The following TMTC2 variants were observed in gnomAD, a reference collection of about 807,000 sequenced individuals.
TMTC2 encodes protein O-mannosyl-transferase TMTC2.
TMTC2 carries 43 observed loss-of-function variants against 82.4 expected under a neutral mutation model. The observed-to-expected ratio is 0.52, with a 90% CI of 0.41 to 0.67. The LOEUF (loss-of-function observed/expected upper bound fraction) is 0.67. Ranked by LOEUF, TMTC2 falls within the 30% of genes least tolerant of loss-of-function variation. TMTC2 has a pLI of 0.00. For missense variants in TMTC2, 919 were observed against 1,012.4 expected, an observed-to-expected ratio of 0.91 and a Z score of 1.25; for synonymous variants, 408 against 381.9, an observed-to-expected ratio of 1.07 and a Z score of -0.80.
At chr12:82,875,692 G>A (rs970661854) in intron 2 of TMTC2, among the ~76,000 whole-genome samples, 2 of 152,030 alleles carry the variant, frequency 1.3e-5, no homozygotes, top group Non-Finnish European at 2.9e-5. Flanking sequence ...GTAAGCAGAA[G>A]GTGATTTCCA....
intron 1 of TMTC2, among the ~76,000 whole-genome samples, chr12:82,744,046 G>A (rs555366433): frequency 1.4e-4 from 21 of 152,284 alleles, no homozygotes; most frequent in Admixed American, 8.5e-4. Flanking sequence ...GGCCAGGCGG[G>A]AGGATCGCTC....
At chr12:82,853,064 C>CT (rs966159917) in intron 1 of TMTC2, among the ~76,000 whole-genome samples, 1 of 151,056 alleles carries the variant, frequency 6.6e-6, no homozygotes. Context: ...CTATGTTTGT[C>CT]TTTTTTTCCA....
intron 1 of TMTC2, among the ~76,000 whole-genome samples, chr12:82,765,023 T>C (rs1876872802): frequency 6.6e-6 from 1 of 151,846 alleles, no homozygotes; most frequent in Admixed American, 6.6e-5. Context: ...TACATTGCCA[T>C]GGTGAAATTT....
At chr12:83,025,340 T>A (rs151182137) in intron 8 of TMTC2, among the ~76,000 whole-genome samples, 2,215 of 151,402 alleles carry the variant, frequency 0.015, 26 homozygotes, top group Non-Finnish European at 0.023. Flanking sequence ...AATGCACTAT[T>A]TACATTAGGG....
chr12:83,055,610 G>T (rs1882508106), intron 10 of TMTC2, among the ~76,000 whole-genome samples: 1 of 151,976 alleles, frequency 6.6e-6, no homozygotes. Context: ...GGAAGCTGGA[G>T]AGTACATGAA....
chr12:83,030,174 G>C (rs1474842173), intron 8 of TMTC2, among the ~76,000 whole-genome samples: 1 of 152,050 alleles, frequency 6.6e-6, no homozygotes, highest in Non-Finnish European at 1.5e-5. Context: ...GTCTCATTTC[G>C]TTTAGCCTTG....
At chr12:82,746,778 T>C (rs1229596679) in intron 1 of TMTC2, among the ~76,000 whole-genome samples, 1 of 152,148 alleles carries the variant, frequency 6.6e-6, no homozygotes, top group Non-Finnish European at 1.5e-5. Flanking sequence ...GCCAGCGATA[T>C]GCAAAGCCTG....
intron 2 of TMTC2, among the ~76,000 whole-genome samples, chr12:82,858,404 C>T (rs947733189): frequency 6.6e-5 from 10 of 152,184 alleles, no homozygotes; most frequent in Non-Finnish European, 1.5e-4. Flanking sequence ...TTGACTTTGG[C>T]GTGAAGACGG....
chr12:83,032,300 T>C (rs1266877822), intron 9 of TMTC2, among the ~76,000 whole-genome samples: 1 of 145,896 alleles, frequency 6.9e-6, no homozygotes, highest in East Asian at 2.0e-4. Flanking sequence ...TATATAGGTT[T>C]GTCACAATCC....
intron 3 of TMTC2, among the ~76,000 whole-genome samples, chr12:82,921,412 C>G (rs993654890): frequency 5.9e-5 from 9 of 152,146 alleles, no homozygotes; most frequent in Non-Finnish European, 1.3e-4. Flanking sequence ...ATTGAGGAGA[C>G]TACCAAGGAT....
At chr12:82,804,412 C>T (rs1181194869) in intron 1 of TMTC2, among the ~76,000 whole-genome samples, 1 of 152,070 alleles carries the variant, frequency 6.6e-6, no homozygotes, top group Non-Finnish European at 1.5e-5. Flanking sequence ...TGTATTATTT[C>T]TGTTACCTAG....
intron 1 of TMTC2, among the ~76,000 whole-genome samples, chr12:82,800,461 ACCAGACTGCTTTCTCCT>A (rs1168492673): frequency 2.0e-5 from 3 of 152,140 alleles, no homozygotes; most frequent in Non-Finnish European, 4.4e-5. Flanking sequence ...CCAGCTGGAC[ACCAGACTGCTTTCTCCT>A]CTTTCAAGCT....
At chr12:83,018,049 G>GTGTA (rs1055456145) in intron 8 of TMTC2, among the ~76,000 whole-genome samples, 12 of 147,560 alleles carry the variant, frequency 8.1e-5, no homozygotes, top group South Asian at 2.1e-4. Context: ...GTGTGTGTAT[G>GTGTA]TATATATATA....
At chr12:82,910,876 T>C (rs1171153180) in intron 3 of TMTC2, among the ~76,000 whole-genome samples, 1 of 151,650 alleles carries the variant, frequency 6.6e-6, no homozygotes, top group South Asian at 2.1e-4. Context: ...GTTGTTTTTT[T>C]CTTTTTTTTT....
At chr12:82,704,528 T>G (rs1873250673) in intron 1 of TMTC2, among the ~76,000 whole-genome samples, 2 of 152,174 alleles carry the variant, frequency 1.3e-5, no homozygotes, top group African/African-American at 4.8e-5. Context: ...TTTACCAGAA[T>G]AGACTGAAAC....
chr12:82,817,317 T>C (rs1306415985), intron 1 of TMTC2, among the ~76,000 whole-genome samples: 1 of 152,114 alleles, frequency 6.6e-6, no homozygotes, highest in East Asian at 1.9e-4. Flanking sequence ...GTTTTTGTTT[T>C]TTTATACTTT....
In TMTC2 at chr12:82,707,361, A is replaced by C. The variant is rs553850472; in HGVS notation, c.83+19692A>C. Among the ~76,000 whole-genome samples, 3 of 152,270 alleles carry C rather than the reference A, an allele frequency of 2.0e-5. No homozygotes were observed. The East Asian group carries it at 5.8e-4, about 29-fold the overall frequency. On this transcript the variant is annotated intron_variant, in intron 1 of 11. Coordinates refer to ENST00000321196, the MANE Select transcript of TMTC2 (RefSeq NM_152588.3). ...ATGCCTCACCTCCAAATACCATTAC[A>C]CTGGGCATTAGGATTTAACATAGGA...
chr12:82,822,566 C>T (rs745734312), intron 1 of TMTC2, among the ~76,000 whole-genome samples: 2 of 152,130 alleles, frequency 1.3e-5, no homozygotes, highest in African/African-American at 4.8e-5. Context: ...TTATGAAATA[C>T]CATACTAAAA....
chr12:82,993,698 T>A (rs1274709779), intron 8 of TMTC2, among the ~76,000 whole-genome samples: 1 of 152,184 alleles, frequency 6.6e-6, no homozygotes, highest in Non-Finnish European at 1.5e-5. Context: ...ACCCTCACAT[T>A]GTTCAAGGGT....
Sources: allele counts gnomAD v4.1 joint callset (sites outside exome capture counted in the v4.1 genomes callset), GRCh38; gene constraint gnomAD v4.1.1; transcripts MANE v1.5; gene names NCBI Gene and HGNC (gene_info 2026-07-23, HGNC 2026-07-21).